Variants in ST8SIA1 observed in about 807,000 individuals in gnomAD.
The protein encoded by ST8SIA1 is alpha-N-acetylneuraminide alpha-2,8-sialyltransferase.
A neutral mutation model predicts 35.9 loss-of-function variants in ST8SIA1; 16 were observed. The ratio of observed to expected loss-of-function variants is 0.45; its 90% confidence interval spans 0.30 to 0.68. The LOEUF (loss-of-function observed/expected upper bound fraction) is 0.68. Ranked by LOEUF, ST8SIA1 falls within the 30% of genes least tolerant of loss-of-function variation. The probability of loss-of-function intolerance (pLI) is 0.09; values close to 1 mark genes in which losing one functional copy is unlikely to be tolerated. For synonymous variants in ST8SIA1, 170 were observed against 169.6 expected (o/e 1.00, Z -0.02); for missense variants, 383 against 453.6 (o/e 0.84, Z 1.41).
At chr12:22,252,357 T>C (rs1166529838) in intron 3 of ST8SIA1, among the ~76,000 whole-genome samples, 1 of 152,210 alleles carries the variant, frequency 6.6e-6, no homozygotes, top group Non-Finnish European at 1.5e-5. Context: ...ATTTTGAATA[T>C]ATAATATCTC....
intron 1 of ST8SIA1, among the ~76,000 whole-genome samples, chr12:22,300,627 T>C (rs1206270132): frequency 5.9e-5 from 9 of 152,160 alleles, no homozygotes; most frequent in Admixed American, 4.6e-4. Flanking sequence ...TATTAGGGCT[T>C]ATTGTTTGGA....
At chr12:22,272,553 G>C (rs1421313947) in intron 2 of ST8SIA1, among the ~76,000 whole-genome samples, 1 of 152,218 alleles carries the variant, frequency 6.6e-6, no homozygotes, top group East Asian at 1.9e-4. Flanking sequence ...AGACTGAAAA[G>C]TATTTTCCTC....
At chr12:22,229,848 T>C (rs1425379099) in intron 4 of ST8SIA1, among the ~76,000 whole-genome samples, 2 of 152,018 alleles carry the variant, frequency 1.3e-5, no homozygotes, top group Non-Finnish European at 2.9e-5. Flanking sequence ...CTGGGACAGG[T>C]CTGAACTAGT....
chr12:22,251,972 C>T (rs1424187916), intron 3 of ST8SIA1, among the ~76,000 whole-genome samples: 1 of 152,148 alleles, frequency 6.6e-6, no homozygotes, highest in East Asian at 1.9e-4. Flanking sequence ...TTCATGTCCC[C>T]AAGCCAACCA....
chr12:22,286,464 T>G (rs1212422708), intron 2 of ST8SIA1: 1 of 518,950 alleles, frequency 1.9e-6, no homozygotes, highest in Admixed American at 1.9e-5. Context: ...CCATGATTCA[T>G]TTCTGAATTT....
intron 4 of ST8SIA1, among the ~76,000 whole-genome samples, chr12:22,233,913 C>T (rs1314094334): frequency 6.8e-6 from 1 of 146,704 alleles, no homozygotes; most frequent in Admixed American, 7.1e-5. Flanking sequence ...ATTTGTATTT[C>T]AGAGGAATTG....
At chr12:22,283,953 G>A (rs1348681516) in intron 2 of ST8SIA1, among the ~76,000 whole-genome samples, 1 of 152,194 alleles carries the variant, frequency 6.6e-6, no homozygotes, top group African/African-American at 2.4e-5. Flanking sequence ...GCATTATGTG[G>A]CAGAATTGAA....
chr12:22,242,659 T>C (rs545623588), intron 4 of ST8SIA1, among the ~76,000 whole-genome samples: 10 of 152,312 alleles, frequency 6.6e-5, no homozygotes, highest in African/African-American at 1.9e-4. Flanking sequence ...CTTAAATTCA[T>C]ACAAATAAAA....
chr12:22,295,087 G>A (rs1176181728), intron 1 of ST8SIA1, among the ~76,000 whole-genome samples: 1 of 152,078 alleles, frequency 6.6e-6, no homozygotes, highest in African/African-American at 2.4e-5. Context: ...GGCAGAGGTA[G>A]GGGGGACACC....
At chr12:22,333,861 A>G in intron 1 of ST8SIA1, 136 bp downstream of exon 1, 1 of 861,948 alleles carries the variant, frequency 1.2e-6, no homozygotes, top group Non-Finnish European at 2.0e-6. Context: ...GCACAAATGG[A>G]GGGAAAGGAC....
chr12:22,226,796 G>A (rs1008537641), intron 4 of ST8SIA1, among the ~76,000 whole-genome samples: 2 of 152,018 alleles, frequency 1.3e-5, no homozygotes, highest in Non-Finnish European at 2.9e-5. Flanking sequence ...TCAACTTTCA[G>A]CTCATCCTTT....
chr12:22,313,782 G>T (rs1866482148), intron 1 of ST8SIA1, among the ~76,000 whole-genome samples: 1 of 152,192 alleles, frequency 6.6e-6, no homozygotes, highest in South Asian at 2.1e-4. Context: ...TGTGTTGCCA[G>T]CAGGAAGGTG....
At chr12:22,277,851 C>A (rs1422925462) in intron 2 of ST8SIA1, among the ~76,000 whole-genome samples, 1 of 151,846 alleles carries the variant, frequency 6.6e-6, no homozygotes, top group Non-Finnish European at 1.5e-5. Context: ...ACTGAGTAGA[C>A]GATAGTGTCA....
chr12:22,275,164 T>C (rs3819867), intron 2 of ST8SIA1, among the ~76,000 whole-genome samples: 14,100 of 152,144 alleles, frequency 0.093, 802 homozygotes, highest in East Asian at 0.15. Flanking sequence ...AGGAAGGGCA[T>C]TTTGGGCAGA....
intron 1 of ST8SIA1, among the ~76,000 whole-genome samples, chr12:22,328,679 G>A (rs1370827320): frequency 6.6e-6 from 1 of 152,214 alleles, no homozygotes; most frequent in Non-Finnish European, 1.5e-5. Flanking sequence ...AAAGAAAACA[G>A]AGAGGAGGAG....
chr12:22,278,920 C>T (rs1010775308), intron 2 of ST8SIA1, among the ~76,000 whole-genome samples: 9 of 152,230 alleles, frequency 5.9e-5, no homozygotes, highest in Non-Finnish European at 1.2e-4. Context: ...TCTCACCACA[C>T]TTATCCACTT....
chr12:22,283,161 A>C (rs1241350039), intron 2 of ST8SIA1, among the ~76,000 whole-genome samples: 1 of 152,190 alleles, frequency 6.6e-6, no homozygotes. Context: ...TGTGGGGTGC[A>C]TTAAGGATGT....
At position 22,193,628 on chromosome 12, in the gene ST8SIA1, T is replaced by C. The variant is rs1864949722; in HGVS notation, c.*7924A>G. The C allele has an allele frequency of 1.3e-5, 2 of 152,208 alleles. No individual in the cohort carries two copies. The highest frequency in any genetic ancestry group is 4.8e-5 in the African/African-American group (2 of 41,466). 9.4% of individuals were successfully genotyped at this position (152,208 alleles called of 1,614,324 possible). On this transcript the variant is annotated 3_prime_UTR_variant, in exon 5 of 5. Transcript: ENST00000396037. ...GATACTAATTTTTCTAATCACACCG[T>C]AGAAAGTACCAATTAAAGTTTTCTT... is the stretch of plus-strand genomic sequence containing the variant.
chr12:22,250,145 C>T (rs1865653272), intron 3 of ST8SIA1, among the ~76,000 whole-genome samples: 1 of 152,176 alleles, frequency 6.6e-6, no homozygotes, highest in Admixed American at 6.6e-5. Flanking sequence ...CTCTCCTTGG[C>T]CACCATGTCT....
Sources: gnomAD v4.1 joint callset for allele counts (sites outside exome capture counted in the v4.1 genomes callset) on GRCh38, gnomAD v4.1.1 for gene constraint, MANE v1.5 for transcripts, NCBI Gene and HGNC (gene_info 2026-07-23, HGNC 2026-07-21) for gene names.